Variants in LRBA observed in about 807,000 individuals in gnomAD.
The protein encoded by LRBA is lipopolysaccharide-responsive and beige-like anchor protein.
Under a neutral mutation model 330.0 loss-of-function variants are expected in LRBA, and 176 were observed. The observed-to-expected ratio is 0.53, with a 90% CI of 0.47 to 0.60. The LOEUF (loss-of-function observed/expected upper bound fraction) is 0.60, where lower values mean the gene tolerates loss of function less well. Among genes scored for constraint, LRBA ranks in the 20% least tolerant of loss-of-function variants. LRBA has a pLI of 0.00. For missense variants in LRBA, 3,259 were observed against 3,444.8 expected, an observed-to-expected ratio of 0.95 and a Z score of 1.35; for synonymous variants, 1,230 against 1,193.0, an observed-to-expected ratio of 1.03 and a Z score of -0.64.
chr4:150,280,654 A>G (rs971972556), intron 55 of LRBA, among the ~76,000 whole-genome samples: 1 of 152,316 alleles, frequency 6.6e-6, no homozygotes, highest in African/African-American at 2.4e-5. Flanking sequence ...GGTTCTTGGT[A>G]TTTCACAGAA....
chr4:150,760,595 T>C (rs1034604952), intron 35 of LRBA, among the ~76,000 whole-genome samples: 9 of 151,742 alleles, frequency 5.9e-5, no homozygotes, highest in African/African-American at 2.2e-4. Context: ...CCTGTACACC[T>C]TCCCACATTA....
intron 34 of LRBA, among the ~76,000 whole-genome samples, chr4:150,763,536 T>A (rs1735375357): frequency 6.6e-6 from 1 of 151,794 alleles, no homozygotes; most frequent in South Asian, 2.1e-4. Context: ...TTTCTTTCCA[T>A]CAAAATAAAA....
At chr4:151,004,315 T>G (rs1202293960) in intron 2 of LRBA, among the ~76,000 whole-genome samples, 1 of 152,114 alleles carries the variant, frequency 6.6e-6, no homozygotes, top group Non-Finnish European at 1.5e-5. Context: ...GGGGCCACTA[T>G]TAGGTACAAA....
At chr4:150,338,822 ACT>A (rs1388286482) in intron 48 of LRBA, among the ~76,000 whole-genome samples, 1 of 152,056 alleles carries the variant, frequency 6.6e-6, no homozygotes, top group African/African-American at 2.4e-5. Flanking sequence ...TTAACATGTG[ACT>A]CTGGCATTAG....
At chr4:150,511,088 C>G (rs954359935) in intron 40 of LRBA, among the ~76,000 whole-genome samples, 14 of 152,100 alleles carry the variant, frequency 9.2e-5, no homozygotes, top group Non-Finnish European at 1.8e-4. Context: ...AAATTCCTGA[C>G]CTCAGGTCAT....
chr4:150,466,000 A>G (rs962543181), intron 44 of LRBA, among the ~76,000 whole-genome samples: 6 of 152,152 alleles, frequency 3.9e-5, no homozygotes, highest in African/African-American at 1.4e-4. Flanking sequence ...CTGGGAGTTC[A>G]AATTTCTAGA....
chr4:150,359,106 A>G (rs1305885926), intron 47 of LRBA, among the ~76,000 whole-genome samples: 4 of 152,222 alleles, frequency 2.6e-5, no homozygotes, highest in African/African-American at 9.6e-5. Context: ...ATAAAGCATT[A>G]AGTTCTGCCA....
intron 38 of LRBA, among the ~76,000 whole-genome samples, chr4:150,591,833 G>A (rs1772876708): frequency 6.6e-6 from 1 of 152,074 alleles, no homozygotes; most frequent in African/African-American, 2.4e-5. Context: ...GGAGAGCAAA[G>A]ACGCAAATGA....
At chr4:150,575,997 C>T (rs1770490028) in intron 40 of LRBA, among the ~76,000 whole-genome samples, 1 of 151,732 alleles carries the variant, frequency 6.6e-6, no homozygotes, top group Admixed American at 6.6e-5. Context: ...AGAAAAGTCA[C>T]AAAGAATAAT....
intron 46 of LRBA, among the ~76,000 whole-genome samples, chr4:150,416,350 C>T (rs1474626621): frequency 6.6e-6 from 1 of 152,164 alleles, no homozygotes; most frequent in African/African-American, 2.4e-5. Context: ...CCCCTCAGGG[C>T]CAGCAATGGC....
In LRBA at chr4:150,672,595, G is replaced by A. The variant is rs531446407; in HGVS notation, c.5921+10956C>T. On this transcript the variant is annotated intron_variant, in intron 37 of 56. Coordinates refer to ENST00000651943, the MANE Select transcript of LRBA (RefSeq NM_001364905.1). ...TTAATTTTTTGATAATAAATACTCC[G>A]TATTAAAAATACCCTCTCTGGAAAT... 8.6e-5 allele frequency among the ~76,000 whole-genome samples: 13 copies of A among 151,146 alleles called. No homozygotes were observed. In the South Asian group the frequency reaches 1.5e-3, roughly 17 times the overall value.
intron 47 of LRBA, among the ~76,000 whole-genome samples, chr4:150,408,365 T>C (rs2151941291): frequency 6.6e-6 from 1 of 152,164 alleles, no homozygotes; most frequent in South Asian, 2.1e-4. Flanking sequence ...TTGATAGACC[T>C]ATAAAAACTA....
chr4:150,841,052 G>A, intron 28 of LRBA: 15 of 1,125,806 alleles, frequency 1.3e-5, no homozygotes, highest in Non-Finnish European at 1.7e-5. Context: ...TGACTTCTTA[G>A]TCTGTTGGAA....
chr4:150,544,999 T>C (rs965302259), intron 40 of LRBA, among the ~76,000 whole-genome samples: 6 of 152,178 alleles, frequency 3.9e-5, no homozygotes, highest in Admixed American at 6.6e-5. Flanking sequence ...CTGTTACCTA[T>C]ATGATGATGT....
At chr4:150,963,997 C>A (rs1185891712) in intron 2 of LRBA, among the ~76,000 whole-genome samples, 1 of 148,010 alleles carries the variant, frequency 6.8e-6, no homozygotes, top group Non-Finnish European at 1.5e-5. Flanking sequence ...GCCGCCACCC[C>A]TTCTGGGAGG....
At chr4:151,000,599 G>A (rs564792046) in intron 2 of LRBA, among the ~76,000 whole-genome samples, 27 of 152,300 alleles carry the variant, frequency 1.8e-4, no homozygotes, top group African/African-American at 6.5e-4. Flanking sequence ...CGTAGAGCAT[G>A]GATACGCTGG....
chr4:150,849,034 A>ATC, intron 25 of LRBA, 36 bp from the exon 26 acceptor site: 1 of 1,397,970 alleles, frequency 7.2e-7, no homozygotes, highest in Non-Finnish European at 9.7e-7. Context: ...ATATATATAT[A>ATC]TTCTGAAAAA....
At chr4:150,804,189 C>A (rs1742204558) in intron 33 of LRBA, among the ~76,000 whole-genome samples, 1 of 152,106 alleles carries the variant, frequency 6.6e-6, no homozygotes, top group African/African-American at 2.4e-5. Context: ...ATTACTTCAT[C>A]AAATAGTTCA....
intron 36 of LRBA, chr4:150,721,499 C>A (rs1582145437): frequency 4.3e-6 from 1 of 233,256 alleles, no homozygotes; most frequent in Non-Finnish European, 8.3e-6. Context: ...GAAAAGACTC[C>A]TAAGAAGAAC....
Sources: allele counts gnomAD v4.1 joint callset (sites outside exome capture counted in the v4.1 genomes callset), GRCh38; gene constraint gnomAD v4.1.1; transcripts MANE v1.5; gene names NCBI Gene and HGNC (gene_info 2026-07-23, HGNC 2026-07-21).